HDGFL2: variants seen among roughly 807,000 people sequenced by gnomAD.
The protein encoded by HDGFL2 is hepatoma-derived growth factor-related protein 2.
In HDGFL2, 36 loss-of-function variants were observed where a neutral mutation model predicts 77.1. The observed-to-expected ratio is 0.47, with a 90% CI of 0.36 to 0.62. The LOEUF (loss-of-function observed/expected upper bound fraction) is 0.62, where lower values mean the gene tolerates loss of function less well. Ranked by LOEUF, HDGFL2 falls within the 20% of genes least tolerant of loss-of-function variation. The pLI is 0.00. For missense variants in HDGFL2, 976 were observed against 973.4 expected, an observed-to-expected ratio of 1.00 and a Z score of -0.04; for synonymous variants, 463 against 413.1, an observed-to-expected ratio of 1.12 and a Z score of -1.46.
At chr19:4,496,279 C>CG in intron 9 of HDGFL2, 23 bp from the exon 10 acceptor site, 1 of 1,599,036 alleles carries the variant, frequency 6.3e-7, no homozygotes, top group Non-Finnish European at 8.6e-7. Flanking sequence ...ACTGCTCCAG[C>CG]GCGCCCTTCC....
intron 4 of HDGFL2, among the ~76,000 whole-genome samples, chr19:4,490,561 G>T (rs1975480248): frequency 6.6e-6 from 1 of 152,188 alleles, no homozygotes; most frequent in African/African-American, 2.4e-5. Flanking sequence ...ATTCTCCTGG[G>T]TATATTCTCT....
intron 3 of HDGFL2, among the ~76,000 whole-genome samples, chr19:4,482,322 G>A (rs1044947573): frequency 1.3e-5 from 2 of 151,834 alleles, no homozygotes; most frequent in African/African-American, 4.8e-5. Flanking sequence ...TGATTCTCCT[G>A]TCTCAGCCTC....
chr19:4,498,580 C>T (rs1975770966), intron 12 of HDGFL2, among the ~76,000 whole-genome samples: 1 of 152,082 alleles, frequency 6.6e-6, no homozygotes, highest in Non-Finnish European at 1.5e-5. Flanking sequence ...ACCCAGCTTT[C>T]CCGGCAGGTG....
chr19:4,493,553 T>C, intron 6 of HDGFL2, 150 bp from the exon 7 acceptor site: 1 of 1,101,424 alleles, frequency 9.1e-7, no homozygotes, highest in Non-Finnish European at 1.2e-6. Context: ...AGGTGGGTTT[T>C]GTGGGTGGGA....
At chr19:4,472,513 G>C in intron 1 of HDGFL2, 91 bp downstream of exon 1, 1 of 863,110 alleles carries the variant, frequency 1.2e-6, no homozygotes, top group Non-Finnish European at 1.6e-6. Flanking sequence ...GGCCGGGGTT[G>C]TCCTGGGCCT....
rs201085440 is a variant in HDGFL2, at chr19:4,486,001, C to T, written c.289-2675C>T. ...CCAGGAAGTTGAGGCTGCAGTGAGT[C>T]GTGATCGCGCCACTGCACTCCAGCC... On this transcript the variant is annotated intron_variant, in intron 3 of 15. Transcript: ENST00000616600. Among the ~76,000 whole-genome samples the T allele has an allele frequency of 3.4e-4, 49 of 143,444 alleles. No individual in the cohort carries two copies. The East Asian group carries it at 9.7e-3, about 28-fold the overall frequency. The allele number at this position is 143,444 out of a possible 152,430, so 94.1% of individuals were successfully genotyped here.
intron 6 of HDGFL2, among the ~76,000 whole-genome samples, chr19:4,493,145 CTGTGTGGTGTGTGTTGTCTG>C (rs1175375405): frequency 1.2e-5 from 1 of 84,628 alleles, no homozygotes; most frequent in Non-Finnish European, 2.3e-5. Flanking sequence ...TTATCTGTGT[CTGTGTGGTGTGTGTTGTCTG>C]TGTGTGGTGT....
In HDGFL2 at chr19:4,494,416, CG is replaced by C; in HGVS notation, c.1169del (p.Gly390AlafsTer56). Reference sequence around the variant, plus strand: ...CGTCAAGAAGCGGGGACGCAAGGGCCGGGGCCGGGGTCCCCCGTCCTCCTCT... The same window carrying C: ...CGTCAAGAAGCGGGGACGCAAGGGCCGGGCCGGGGTCCCCCGTCCTCCTCT... ...EPVKKRGRKG[R>X]GRGPPSSSDS... On this transcript the variant is annotated frameshift_variant, in exon 9 of 16. Transcript: ENST00000616600. LOFTEE classifies it high-confidence loss of function. 7.1e-7 allele frequency: 1 copy of C among 1,402,908 alleles called. No individual in the cohort carries two copies. Among genetic ancestry groups the C allele is most frequent in the South Asian group, 1.6e-5 (1 of 61,766 alleles). The allele number at this position is 1,402,908 out of a possible 1,614,324, so 86.9% of individuals were successfully genotyped here.
intron 3 of HDGFL2, among the ~76,000 whole-genome samples, chr19:4,481,777 CAG>C (rs1455129401): frequency 1.3e-5 from 2 of 151,990 alleles, no homozygotes; most frequent in Non-Finnish European, 2.9e-5. Flanking sequence ...TCATCTAAAA[CAG>C]AGGATTTGGT....
intron 9 of HDGFL2, among the ~76,000 whole-genome samples, chr19:4,495,109 T>C (rs1009945190): frequency 1.8e-4 from 28 of 151,868 alleles, no homozygotes; most frequent in Non-Finnish European, 2.4e-4. Context: ...CCGAATGGGC[T>C]GGGCGCAGTG....
rs543970158 is a variant in HDGFL2 at position 4,491,794 on chromosome 19, C to T, written c.637C>T (p.Arg213Trp). 26 of 1,613,976 alleles carry T rather than the reference C, an allele frequency of 1.6e-5. No individual in the cohort carries two copies. Among genetic ancestry groups the T allele is most frequent in the Admixed American group, 6.7e-5 (4 of 60,010 alleles). The change falls in exon 6 of 16, where the codon CGG becomes TGG. Residue 213 changes from arginine to tryptophan, a missense_variant. Physicochemically the swap from Arg to Trp is moderately radical, Grantham distance 101. Coordinates refer to ENST00000616600, the MANE Select transcript of HDGFL2 (RefSeq NM_001001520.3). ...DFTPEKKAAV[R>W]APRRGPLGGR... ...CACACCTGAGAAGAAAGCAGCGGTC[C>T]GGGCGCCACGGAGGGGCCCTCTGGG...
In HDGFL2 at chr19:4,498,503, C is replaced by T. The variant is rs1039838944; in HGVS notation, c.1473+127C>T. The T allele has an allele frequency of 4.4e-5, 34 of 764,118 alleles. 1 individual carries two copies. Among genetic ancestry groups the T allele is most frequent in the South Asian group, 2.5e-4 (16 of 63,484 alleles). 47.3% of individuals were successfully genotyped at this position (764,118 alleles called of 1,614,324 possible). A position where few individuals can be genotyped will look rare whatever the true frequency, so the allele number is the denominator to read the frequency against. On this transcript the variant is annotated intron_variant, in intron 12 of 15. Transcript: ENST00000616600. Reference sequence around the variant, plus strand: ...AGTTGGGTGGGCCAGGAGTCTGTTCCGGTTGCTAGTGAGCGCATGGGGTCT... The same window carrying T: ...AGTTGGGTGGGCCAGGAGTCTGTTCTGGTTGCTAGTGAGCGCATGGGGTCT...
At chr19:4,491,457 A>T (rs1300921562) in intron 4 of HDGFL2, 109 bp from the exon 5 acceptor site, 2 of 872,212 alleles carry the variant, frequency 2.3e-6, no homozygotes, top group Non-Finnish European at 3.7e-6. Context: ...CTGGCCCGCC[A>T]GAGAGGTTCC....
intron 11 of HDGFL2, 109 bp from the exon 12 acceptor site, chr19:4,498,197 C>T: frequency 8.1e-7 from 1 of 1,231,472 alleles, no homozygotes. Flanking sequence ...GCCTGCAGAC[C>T]TGGGGCCCCC....
chr19:4,491,762 A>C lies in HDGFL2; in HGVS notation c.607-2A>C, dbSNP rs748745884. ...CCAGTTCAGCTCACTTCTCTCCCCC[A>C]GGACTTCACACCTGAGAAGAAAGCA... On this transcript the variant is annotated splice_acceptor_variant, in intron 5 of 15. Transcript: ENST00000616600. LOFTEE classifies it high-confidence loss of function. 3 of 1,613,862 alleles carry C rather than the reference A, an allele frequency of 1.9e-6. No individual in the cohort carries two copies. In the African/African-American group the frequency reaches 4.0e-5, roughly 22 times the overall value.
At chr19:4,501,442 C>G in intron 15 of HDGFL2, 125 bp downstream of exon 15, 3 of 1,177,916 alleles carry the variant, frequency 2.5e-6, no homozygotes, top group African/African-American at 1.6e-5. Flanking sequence ...CGTCCTTACT[C>G]GGGCCTCCCA....
chr19:4,494,135 G>A (rs372227681), intron 8 of HDGFL2, 31 bp from the exon 9 acceptor site: 385 of 1,495,872 alleles, frequency 2.6e-4, no homozygotes, highest in Non-Finnish European at 2.6e-4. Context: ...AGGGAGGAAC[G>A]GAGGTCCCCA....
At position 4,498,420 on chromosome 19, in the gene HDGFL2, C is replaced by T. The variant is rs749081112; in HGVS notation, c.1473+44C>T. The T allele has an allele frequency of 1.9e-5, 28 of 1,472,874 alleles. No homozygotes were observed. The East Asian group carries it at 5.9e-4, about 31-fold the overall frequency. The allele number at this position is 1,472,874 out of a possible 1,614,324, so 91.2% of individuals were successfully genotyped here. A position where few individuals can be genotyped will look rare whatever the true frequency, so the allele number is the denominator to read the frequency against. On this transcript the variant is annotated intron_variant, in intron 12 of 15. Coordinates refer to ENST00000616600, the MANE Select transcript of HDGFL2 (RefSeq NM_001001520.3). Reference sequence around the variant, plus strand: ...GTGAGCCAAGCAGTCCCCGCTGCCACCTCCCTGCCAGGCTCCCTTAGATGT... The same window carrying T: ...GTGAGCCAAGCAGTCCCCGCTGCCATCTCCCTGCCAGGCTCCCTTAGATGT...
Position 4,498,270 on chromosome 19 carries a change from G to T in HDGFL2, c.1403-36G>T, listed in dbSNP as rs1451583101. On this transcript the variant is annotated intron_variant, in intron 11 of 15. Transcript: ENST00000616600. ...TGAACAGCTGGCCCCCTGTGGCCCT[G>T]CCTGGGCCCACACGGTGCTCTCTCT... is the stretch of plus-strand genomic sequence containing the variant. 2.5e-6 allele frequency: 4 copies of T among 1,579,234 alleles called. No homozygotes were observed. In the South Asian group the frequency reaches 3.3e-5, roughly 13 times the overall value.
Sources: allele counts gnomAD v4.1 joint callset (sites outside exome capture counted in the v4.1 genomes callset), GRCh38; gene constraint gnomAD v4.1.1; transcripts MANE v1.5; gene names NCBI Gene and HGNC (gene_info 2026-07-23, HGNC 2026-07-21).